Variants in MYOM1 observed in about 807,000 individuals in gnomAD.
MYOM1 encodes the protein myomesin 1.
A neutral mutation model predicts 205.3 loss-of-function variants in MYOM1; 164 were observed. That is an observed-to-expected ratio of 0.80 (90% CI 0.70 to 0.91). The LOEUF (loss-of-function observed/expected upper bound fraction) is 0.91, where lower values mean the gene tolerates loss of function less well. Among genes scored for constraint, MYOM1 ranks in the 40% least tolerant of loss-of-function variants. The probability of loss-of-function intolerance (pLI) is 0.00; values close to 1 mark genes in which losing one functional copy is unlikely to be tolerated. For missense variants in MYOM1, 2,011 were observed against 2,127.3 expected (o/e 0.95, Z 1.08); for synonymous variants, 772 against 789.4 (o/e 0.98, Z 0.37).
intron 25 of MYOM1, among the ~76,000 whole-genome samples, chr18:3,097,500 T>C (rs1416688152): frequency 6.6e-6 from 1 of 152,160 alleles, no homozygotes; most frequent in Non-Finnish European, 1.5e-5. Flanking sequence ...CACGGCTCAC[T>C]GCAGCCTCCA....
chr18:3,161,770 T>C (rs2080394137), intron 10 of MYOM1, among the ~76,000 whole-genome samples: 1 of 152,250 alleles, frequency 6.6e-6, no homozygotes. Context: ...GTTCCACTTC[T>C]GCTTCTAATT....
intron 10 of MYOM1, among the ~76,000 whole-genome samples, chr18:3,162,807 C>T (rs1434669440): frequency 1.3e-5 from 2 of 152,070 alleles, no homozygotes; most frequent in Admixed American, 6.6e-5. Flanking sequence ...CGGTGGATCA[C>T]GAGGTCAGGA....
intron 6 of MYOM1, 142 bp downstream of exon 6, chr18:3,175,900 C>A: frequency 1.8e-6 from 1 of 562,048 alleles, no homozygotes; most frequent in Non-Finnish European, 3.2e-6. Flanking sequence ...CAGGTGTGCA[C>A]CCAGAGAAGC....
the MYOM1 span, among the ~76,000 whole-genome samples, chr18:3,232,760 A>G: frequency 1.8e-4 from 27 of 152,240 alleles, no homozygotes; most frequent in Non-Finnish European, 3.2e-4. Context: ...ATATGCTATA[A>G]GAAATTAATT....
At chr18:3,211,484 A>C (rs1051455847) in intron 2 of MYOM1, among the ~76,000 whole-genome samples, 2 of 152,216 alleles carry the variant, frequency 1.3e-5, no homozygotes, top group African/African-American at 4.8e-5. Context: ...ACTCTACTGA[A>C]ACCATTCATG....
intron 10 of MYOM1, among the ~76,000 whole-genome samples, chr18:3,158,327 T>C (rs961166277): frequency 6.6e-6 from 1 of 152,222 alleles, no homozygotes; most frequent in Non-Finnish European, 1.5e-5. Flanking sequence ...TCATGGAGCA[T>C]CTATTATACT....
chr18:3,153,120 G>C (rs1227457707), intron 11 of MYOM1, among the ~76,000 whole-genome samples: 1 of 152,200 alleles, frequency 6.6e-6, no homozygotes, highest in African/African-American at 2.4e-5. Context: ...TCTCTGTGCA[G>C]ATACTGCTAT....
intron 33 of MYOM1, among the ~76,000 whole-genome samples, chr18:3,083,121 C>A (rs991444783): frequency 2.6e-5 from 4 of 152,208 alleles, no homozygotes; most frequent in African/African-American, 9.7e-5. Context: ...AGAGCCCAAG[C>A]ATGACTGTCT....
chr18:3,090,509 C>G (rs949227014), intron 27 of MYOM1, 149 bp downstream of exon 27: 1 of 1,049,012 alleles, frequency 9.5e-7, no homozygotes, highest in East Asian at 2.5e-5. Context: ...CATGAGCCAC[C>G]GCGCCCAGCT....
In MYOM1 at chr18:3,134,646, T is replaced by A. The variant is rs73373171; in HGVS notation, c.2384+4A>T. ...TGCCCGCCCTGCACACCCGACTGAGTTACCGTGAGCCCTTCACGGGGTTGT... is the reference window on the plus strand; with the variant it reads ...TGCCCGCCCTGCACACCCGACTGAGATACCGTGAGCCCTTCACGGGGTTGT... On this transcript the variant is annotated splice_donor_region_variant and intron_variant, in intron 16 of 37. Coordinates refer to ENST00000356443, the MANE Select transcript of MYOM1 (RefSeq NM_003803.4). The A allele has an allele frequency of 4.9e-4, 793 of 1,607,898 alleles. 4 individuals carry two copies. The African/African-American group carries it at 9.7e-3, about 20-fold the overall frequency.
chr18:3,126,533 C>T (rs2079786067), intron 19 of MYOM1, among the ~76,000 whole-genome samples, 168 bp downstream of exon 19: 1 of 152,146 alleles, frequency 6.6e-6, no homozygotes, highest in Non-Finnish European at 1.5e-5. Flanking sequence ...AGCCAAACTA[C>T]TTGTATTCAC....
chr18:3,090,730 C>A lies in MYOM1; in HGVS notation c.3937G>T (p.Glu1313Ter). The A allele has an allele frequency of 3.1e-6, 5 of 1,613,962 alleles. No homozygotes were observed. The highest frequency in any genetic ancestry group is 4.2e-6 in the Non-Finnish European group (5 of 1,179,858). The change falls in exon 27 of 38, where the codon GAG (glutamate) becomes TAG (stop). Residue 1313 changes from glutamate to a stop codon, truncating the protein, a stop_gained. Transcript: ENST00000356443. LOFTEE classifies it high-confidence loss of function. The part of the protein sequence containing the change: ...MFMEKLQDED[E>*]GTYTFQLQDG... ...TGAAGCTGGAAAGTGTACGTTCCCT[C>A]ATCCTCATCCTGTAGCTTTTCCATG...
In MYOM1 at chr18:3,077,917, TGG is replaced by T. The variant is rs199504939; in HGVS notation, c.4648+1260_4648+1261del. ...AGCGAGTCTTTCTAGTCGCCGTGAA[TGG>T]GTGAGGTGAAGACAAGGGGATTCAG... is the stretch of plus-strand genomic sequence containing the variant. On this transcript the variant is annotated intron_variant, in intron 34 of 37. Transcript: ENST00000356443. Among the ~76,000 whole-genome samples, 609 of 152,184 alleles carry T rather than the reference TGG, an allele frequency of 4.0e-3. 4 individuals carry two copies. Among genetic ancestry groups the T allele is most frequent in the African/African-American group, 0.014 (581 of 41,534 alleles).
Position 3,106,091 on chromosome 18 carries a change from C to T in MYOM1, c.3419-3461G>A, listed in dbSNP as rs111791794. Among the ~76,000 whole-genome samples the T allele has an allele frequency of 3.0e-3, 461 of 152,186 alleles. 4 individuals are homozygous for T. Among genetic ancestry groups the T allele is most frequent in the Non-Finnish European group, 5.3e-3 (363 of 67,998 alleles). Reference sequence around the variant, plus strand: ...TACAGTATCCCAACTCTTTACATAGCGTTTACATCATATTAGGTATTGTAA... The same window carrying T: ...TACAGTATCCCAACTCTTTACATAGTGTTTACATCATATTAGGTATTGTAA... On this transcript the variant is annotated intron_variant, in intron 22 of 37. Transcript: ENST00000356443.
rs1662315 is a variant in MYOM1 at position 3,215,232 on chromosome 18, C to T, written c.-9G>A. The T allele has an allele frequency of 0.25, 394,249 of 1,598,040 alleles. 52,778 individuals are homozygous for T. Among genetic ancestry groups the T allele is most frequent in the East Asian group, 0.64 (28,548 of 44,306 alleles). On this transcript the variant is annotated 5_prime_UTR_variant, in exon 2 of 38. Coordinates refer to ENST00000356443, the MANE Select transcript of MYOM1 (RefSeq NM_003803.4). ...TAAAAAGGCAAAGACATCCTGTGCC[C>T]CTTGAAGGAACCGGGCCACCTGAAG...
At chr18:3,238,058 T>C in the MYOM1 span, among the ~76,000 whole-genome samples, 1 of 152,174 alleles carries the variant, frequency 6.6e-6, no homozygotes, top group Non-Finnish European at 1.5e-5. Context: ...TCTGTTATTA[T>C]TACATTGTAA....
Position 3,209,096 on chromosome 18 carries a change from A to G in MYOM1, c.290+5838T>C, listed in dbSNP as rs1313967299. 6.6e-6 allele frequency among the ~76,000 whole-genome samples: 1 copy of G among 152,244 alleles called. No individual in the cohort carries two copies. Among genetic ancestry groups the G allele is most frequent in the East Asian group, 1.9e-4 (1 of 5,202 alleles). On this transcript the variant is annotated intron_variant, in intron 2 of 37. Transcript: ENST00000356443. The surrounding 1 kb of genome is among the most constrained non-coding windows in gnomAD (Gnocchi z 4.0). ...ATTAAATACCAGAAAAACACTAACA[A>G]AAGAATAAGGCATTTCTTTGACACG...
intron 22 of MYOM1, among the ~76,000 whole-genome samples, chr18:3,111,466 T>C (rs1300702775): frequency 6.6e-6 from 1 of 152,112 alleles, no homozygotes; most frequent in Admixed American, 6.6e-5. Flanking sequence ...CTATAAACCA[T>C]TCAGTTGGGA....
chr18:3,142,829 A>C (rs762902279), intron 13 of MYOM1, among the ~76,000 whole-genome samples: 25 of 152,184 alleles, frequency 1.6e-4, no homozygotes, highest in Non-Finnish European at 2.9e-4. Context: ...GTCCCAGTGG[A>C]GTTGAGTTTA....
Sources: allele counts gnomAD v4.1 joint callset (sites outside exome capture counted in the v4.1 genomes callset), GRCh38; gene constraint gnomAD v4.1.1; non-coding constraint Gnocchi (gnomAD v3.1); transcripts MANE v1.5; gene names NCBI Gene and HGNC (gene_info 2026-07-23, HGNC 2026-07-21).